Variants in HEMK2 observed in about 807,000 individuals in gnomAD.
HEMK2 encodes the protein HemK methyltransferase 2, ETF1 glutamine and histone H4 lysine, also known as methyltransferase HEMK2.
chr21:28,612,263 A>G, the HEMK2 span, among the ~76,000 whole-genome samples: 1 of 152,194 alleles, frequency 6.6e-6, no homozygotes, highest in Admixed American at 6.5e-5. Flanking sequence ...GCAGGAATGC[A>G]GGAATAGTTT....
the HEMK2 span, among the ~76,000 whole-genome samples, chr21:28,879,654 G>A: frequency 2.0e-5 from 3 of 152,142 alleles, no homozygotes; most frequent in South Asian, 6.2e-4. Context: ...ATATGAATGT[G>A]ATTTTTAGGG....
the HEMK2 span, among the ~76,000 whole-genome samples, chr21:28,851,343 C>T: frequency 6.6e-6 from 1 of 152,048 alleles, no homozygotes; most frequent in Non-Finnish European, 1.5e-5. Flanking sequence ...TGCACAGCAG[C>T]CTGGACCTGT....
At chr21:28,865,447 G>T in the HEMK2 span, among the ~76,000 whole-genome samples, 1 of 152,204 alleles carries the variant, frequency 6.6e-6, no homozygotes. Context: ...GATTACAGGC[G>T]TGAGCCACCA....
chr21:28,641,043 G>A, the HEMK2 span, among the ~76,000 whole-genome samples: 1 of 152,140 alleles, frequency 6.6e-6, no homozygotes, highest in South Asian at 2.1e-4. Context: ...ACTGACTAGT[G>A]CCTCTTTGTT....
the HEMK2 span, among the ~76,000 whole-genome samples, chr21:28,760,116 T>A: frequency 6.6e-6 from 1 of 152,186 alleles, no homozygotes. Context: ...GGCATCTTAC[T>A]GCTTCTATCT....
At chr21:28,670,113 A>G in the HEMK2 span, among the ~76,000 whole-genome samples, 620 of 152,144 alleles carry the variant, frequency 4.1e-3, 15 homozygotes, top group East Asian at 0.065. Context: ...ATAGAAACAG[A>G]TTGTTGTACA....
the HEMK2 span, among the ~76,000 whole-genome samples, chr21:28,751,092 G>A: frequency 6.6e-4 from 101 of 152,072 alleles, no homozygotes; most frequent in African/African-American, 2.3e-3. Flanking sequence ...TTAGCCGGGC[G>A]TGGTGGCGAG....
the HEMK2 span, among the ~76,000 whole-genome samples, chr21:28,869,992 T>A: frequency 2.6e-5 from 4 of 152,180 alleles, no homozygotes; most frequent in Non-Finnish European, 5.9e-5. Flanking sequence ...CCTCTAGCCT[T>A]TCTCCCAGTC....
chr21:28,612,783 A>G, the HEMK2 span, among the ~76,000 whole-genome samples: 1 of 152,224 alleles, frequency 6.6e-6, no homozygotes, highest in African/African-American at 2.4e-5. Context: ...CTATATGCCA[A>G]CAGCAACCAA....
chr21:28,830,586 G>A, the HEMK2 span, among the ~76,000 whole-genome samples: 5 of 152,152 alleles, frequency 3.3e-5, no homozygotes, highest in Non-Finnish European at 7.4e-5. Context: ...TTAAAAAAAT[G>A]TATGGATGGA....
chr21:28,812,687 G>A, the HEMK2 span, among the ~76,000 whole-genome samples: 2 of 152,090 alleles, frequency 1.3e-5, no homozygotes, highest in Non-Finnish European at 2.9e-5. Context: ...TTTTTCTATT[G>A]TTTGAAATAG....
the HEMK2 span, among the ~76,000 whole-genome samples, chr21:28,746,493 G>A: frequency 6.6e-6 from 1 of 152,132 alleles, no homozygotes; most frequent in Admixed American, 6.5e-5. Flanking sequence ...CATGTGTGCA[G>A]GTAGGGAGAT....
the HEMK2 span, among the ~76,000 whole-genome samples, chr21:28,696,911 C>T: frequency 6.6e-6 from 1 of 152,360 alleles, no homozygotes; most frequent in South Asian, 2.1e-4. Context: ...GTACCTTGGC[C>T]TCTTCTAGCC....
chr21:28,769,422 A>G, the HEMK2 span, among the ~76,000 whole-genome samples: 4 of 152,120 alleles, frequency 2.6e-5, no homozygotes, highest in Non-Finnish European at 5.9e-5. Context: ...AACCTTCAGC[A>G]AAGCATAATG....
chr21:28,707,409 C>T, the HEMK2 span, among the ~76,000 whole-genome samples: 13 of 152,072 alleles, frequency 8.5e-5, no homozygotes, highest in African/African-American at 3.1e-4. Context: ...GCATGCGCCA[C>T]CAGACTGGGC....
chr21:28,790,427 C>A, the HEMK2 span, among the ~76,000 whole-genome samples: 4 of 152,106 alleles, frequency 2.6e-5, no homozygotes, highest in Non-Finnish European at 5.9e-5. Context: ...TTGCAGACTG[C>A]CACAGAGAGT....
At chr21:28,864,010 T>C in the HEMK2 span, among the ~76,000 whole-genome samples, 7 of 152,082 alleles carry the variant, frequency 4.6e-5, no homozygotes, top group Admixed American at 4.6e-4. Context: ...TGTATTTTTT[T>C]AGTAGAGGCA....
the HEMK2 span, among the ~76,000 whole-genome samples, chr21:28,676,287 T>C: frequency 6.6e-6 from 1 of 152,228 alleles, no homozygotes; most frequent in African/African-American, 2.4e-5. Context: ...TGTCTACACA[T>C]GGTAGTCCCT....
the HEMK2 span, among the ~76,000 whole-genome samples, chr21:28,607,011 T>G: frequency 6.6e-6 from 1 of 152,154 alleles, no homozygotes; most frequent in African/African-American, 2.4e-5. Flanking sequence ...AAGAAACACA[T>G]ATCAATGAGT....
Sources: gnomAD v4.1 joint callset for allele counts (sites outside exome capture counted in the v4.1 genomes callset) on GRCh38, gnomAD v4.1.1 for gene constraint, MANE v1.5 for transcripts, NCBI Gene and HGNC (gene_info 2026-07-23, HGNC 2026-07-21) for gene names.